DBF4: variants seen among roughly 807,000 people sequenced by gnomAD.
The protein encoded by DBF4 is DBF4-CDC7 kinase regulatory subunit, also known as protein DBF4 homolog A.
DBF4 carries 25 observed loss-of-function variants against 76.6 expected under a neutral mutation model. That is an observed-to-expected ratio of 0.33 (90% CI 0.24 to 0.46). The LOEUF (loss-of-function observed/expected upper bound fraction) is 0.46. Among genes scored for constraint, DBF4 ranks in the 20% least tolerant of loss-of-function variants. The probability of loss-of-function intolerance (pLI) is 1.00; values close to 1 mark genes in which losing one functional copy is unlikely to be tolerated. For synonymous variants in DBF4, 213 were observed against 258.0 expected (o/e 0.83, Z 1.67); for missense variants, 638 against 760.8 (o/e 0.84, Z 1.90).
At position 87,904,381 on chromosome 7, in the gene DBF4, T is replaced by C. The variant is rs377042232; in HGVS notation, c.1014T>C (p.Phe338=). ...DDIVSKLVFD[F]VEYEKDTPKK... ...TTGTATCTAAGTTAGTTTTTGACTT[T>C]GTGGAATATGAAAAGGACACACCTA... Residue 338 remains phenylalanine, a synonymous_variant, in exon 11 of 12, where the codon TTT becomes TTC. Transcript: ENST00000265728. 2.0e-5 allele frequency: 32 copies of C among 1,613,522 alleles called. No individual in the cohort carries two copies. In the East Asian group the frequency reaches 2.5e-4, roughly 12 times the overall value.
chr7:87,886,952 A>C, intron 4 of DBF4, 58 bp downstream of exon 4: 1 of 1,129,402 alleles, frequency 8.9e-7, no homozygotes, highest in Non-Finnish European at 1.3e-6. Context: ...ACTCAACTGG[A>C]AATTACAGAT....
rs376517912 is a variant in DBF4, at chr7:87,900,742, T to C, written c.810-22T>C. ...TCCTTAGGTTCAGCAGTTAATTCTT[T>C]ACCATGTATGTCTGTCATCAGAATC... On this transcript the variant is annotated intron_variant, in intron 9 of 11. Coordinates refer to ENST00000265728, the MANE Select transcript of DBF4 (RefSeq NM_006716.4). The C allele has an allele frequency of 3.5e-4, 559 of 1,584,118 alleles. 1 individual carries two copies. The highest frequency in any genetic ancestry group is 4.3e-4 in the Non-Finnish European group (498 of 1,159,070).
At chr7:87,888,235 T>G in intron 6 of DBF4, 176 bp downstream of exon 6, 1 of 954,944 alleles carries the variant, frequency 1.0e-6, no homozygotes, top group Non-Finnish European at 1.2e-6. Flanking sequence ...ACTCACCAGG[T>G]AAAAGTTGTT....
intron 1 of DBF4, among the ~76,000 whole-genome samples, chr7:87,877,677 G>A (rs1203678201): frequency 1.3e-5 from 2 of 152,338 alleles, no homozygotes; most frequent in East Asian, 3.9e-4. Flanking sequence ...GCTAAATGAA[G>A]TTTAAACACC....
intron 8 of DBF4, among the ~76,000 whole-genome samples, chr7:87,899,232 G>T (rs1839708984): frequency 6.6e-6 from 1 of 152,050 alleles, no homozygotes; most frequent in Admixed American, 6.6e-5. Context: ...AATTAAATTG[G>T]ACCATATCAA....
At chr7:87,879,522 T>TA (rs1193053262) in intron 2 of DBF4, among the ~76,000 whole-genome samples, 1 of 151,958 alleles carries the variant, frequency 6.6e-6, no homozygotes, top group African/African-American at 2.4e-5. Context: ...AGACATTGAG[T>TA]AAAAAATACC....
intron 6 of DBF4, among the ~76,000 whole-genome samples, chr7:87,890,634 G>A (rs1282732248): frequency 6.6e-6 from 1 of 152,160 alleles, no homozygotes; most frequent in Admixed American, 6.5e-5. Flanking sequence ...AATAACAAAG[G>A]GGAGGGGAAG....
At chr7:87,900,082 AAT>A (rs1183982731) in intron 8 of DBF4, 137 bp from the exon 9 acceptor site, 5 of 717,126 alleles carry the variant, frequency 7.0e-6, no homozygotes, top group Non-Finnish European at 1.1e-5. Flanking sequence ...TTAGGCCTGA[AAT>A]TGATTTTTTG....
At chr7:87,890,868 A>G (rs146860045) in intron 6 of DBF4, among the ~76,000 whole-genome samples, 2 of 152,334 alleles carry the variant, frequency 1.3e-5, no homozygotes, top group Admixed American at 6.5e-5. Context: ...AATAAAAATG[A>G]TAATAATACC....
intron 2 of DBF4, among the ~76,000 whole-genome samples, chr7:87,879,995 G>C (rs1396621520): frequency 1.3e-5 from 2 of 150,340 alleles, no homozygotes; most frequent in Non-Finnish European, 2.9e-5. Context: ...ATCTGATACA[G>C]TTTGATGACA....
chr7:87,908,735 G>T lies in DBF4; in HGVS notation c.*572G>T, dbSNP rs1839969327. ...AAGGACTTAACCAGGCTACCAAGTG[G>T]AATATAATTTATCTGCTATTTTTAA... On this transcript the variant is annotated 3_prime_UTR_variant, in exon 12 of 12. Transcript: ENST00000265728. The T allele has an allele frequency of 1.3e-5, 2 of 151,510 alleles. No individual in the cohort carries two copies. The highest frequency in any genetic ancestry group is 4.2e-4 in the South Asian group (2 of 4,810). The allele number at this position is 151,510 out of a possible 1,614,324, so 9.4% of individuals were successfully genotyped here. A position where few individuals can be genotyped will look rare whatever the true frequency, so the allele number is the denominator to read the frequency against.
At chr7:87,889,682 T>G (rs1222216455) in intron 6 of DBF4, among the ~76,000 whole-genome samples, 1 of 152,176 alleles carries the variant, frequency 6.6e-6, no homozygotes, top group Non-Finnish European at 1.5e-5. Context: ...TTTAATAAAT[T>G]CACGTTTATA....
At chr7:87,889,797 T>C (rs1365587430) in intron 6 of DBF4, among the ~76,000 whole-genome samples, 1 of 152,188 alleles carries the variant, frequency 6.6e-6, no homozygotes, top group Non-Finnish European at 1.5e-5. Flanking sequence ...ACCTTGTAGG[T>C]TGAAAAGTGA....
intron 2 of DBF4, among the ~76,000 whole-genome samples, chr7:87,881,024 C>T (rs1230694392): frequency 6.6e-6 from 1 of 152,202 alleles, no homozygotes; most frequent in East Asian, 1.9e-4. Flanking sequence ...ATAGATTCAA[C>T]AATATCTAAT....
intron 10 of DBF4, among the ~76,000 whole-genome samples, 180 bp from the exon 11 acceptor site, chr7:87,904,112 A>G (rs1359791268): frequency 2.0e-5 from 3 of 152,220 alleles, no homozygotes; most frequent in Non-Finnish European, 2.9e-5. Context: ...GCTTCTCAAA[A>G]GTGACTTTTA....
At chr7:87,904,013 A>T (rs181269157) in intron 10 of DBF4, among the ~76,000 whole-genome samples, 1 of 152,262 alleles carries the variant, frequency 6.6e-6, no homozygotes, top group African/African-American at 2.4e-5. Flanking sequence ...TCGTTTTCTG[A>T]CACAGCTCAT....
rs117960773 is a variant in DBF4 at position 87,897,746 on chromosome 7, G to A, written c.680+407G>A. On this transcript the variant is annotated intron_variant, in intron 8 of 11. Transcript: ENST00000265728. Reference sequence around the variant, plus strand: ...CATGGTTGATTTCCAAAATTCTGAAGTATTGTAGGATAGTCTTGTTGTTGT... The same window carrying A: ...CATGGTTGATTTCCAAAATTCTGAAATATTGTAGGATAGTCTTGTTGTTGT... Among the ~76,000 whole-genome samples the A allele has an allele frequency of 6.0e-3, 914 of 152,246 alleles. 4 individuals are homozygous for A. The highest frequency in any genetic ancestry group is 0.01 in the Non-Finnish European group (680 of 67,976).
chr7:87,891,683 C>A (rs1249282669), intron 6 of DBF4, among the ~76,000 whole-genome samples: 1 of 152,118 alleles, frequency 6.6e-6, no homozygotes, highest in Non-Finnish European at 1.5e-5. Flanking sequence ...CTTAGTCAAT[C>A]TGGCTAGTTT....
In DBF4 at chr7:87,907,908, G is replaced by A. The variant is rs529738174; in HGVS notation, c.1770G>A (p.Leu590=). The change falls in exon 12 of 12, where the codon CTG becomes CTA. Residue 590 remains leucine, a synonymous_variant. Transcript: ENST00000265728. ...TAGGACGAAATAGAAAAGAAAATCT[G>A]GAACCAAATGCTGAATTTGATAAAA... ...IILGRNRKEN[L]EPNAEFDKRT... is the part of the protein sequence containing the mutation. The A allele has an allele frequency of 1.4e-5, 23 of 1,612,422 alleles. No individual in the cohort carries two copies. In the South Asian group the frequency reaches 2.4e-4, roughly 17 times the overall value.
Sources: gnomAD v4.1 joint callset for allele counts (sites outside exome capture counted in the v4.1 genomes callset) on GRCh38, gnomAD v4.1.1 for gene constraint, MANE v1.5 for transcripts, NCBI Gene and HGNC (gene_info 2026-07-23, HGNC 2026-07-21) for gene names.